DNMBP: variants seen among roughly 807,000 people sequenced by gnomAD.
DNMBP encodes dynamin-binding protein.
A neutral mutation model predicts 150.0 loss-of-function variants in DNMBP; 87 were observed. The observed-to-expected ratio is 0.58, with a 90% CI of 0.49 to 0.69. The LOEUF (loss-of-function observed/expected upper bound fraction) is 0.69. Ranked by LOEUF, DNMBP falls within the 30% of genes least tolerant of loss-of-function variation. The probability of loss-of-function intolerance (pLI) is 0.00; values close to 1 mark genes in which losing one functional copy is unlikely to be tolerated. For synonymous variants in DNMBP, 711 were observed against 750.4 expected (o/e 0.95, Z 0.86); for missense variants, 1,774 against 1,949.0 (o/e 0.91, Z 1.69).
chr10:99,975,377 T>C lies in DNMBP; in HGVS notation c.-10-3243A>G, dbSNP rs563036121. On this transcript the variant is annotated intron_variant, in intron 1 of 16. Coordinates refer to ENST00000324109, the MANE Select transcript of DNMBP (RefSeq NM_015221.4). ...TATGTCTCAAAAAAAAAAAAAATTA[T>C]ATCCAAGAAAACACTGATGTGGATA... Among the ~76,000 whole-genome samples, 114 of 151,698 alleles carry C rather than the reference T, an allele frequency of 7.5e-4. 1 individual carries two copies. Among genetic ancestry groups the C allele is most frequent in the African/African-American group, 2.6e-3 (108 of 41,322 alleles).
intron 12 of DNMBP, 96 bp from the exon 13 acceptor site, chr10:99,886,728 A>G: frequency 8.5e-7 from 1 of 1,180,164 alleles, no homozygotes; most frequent in Non-Finnish European, 1.2e-6. Context: ...TGTGTCCTGA[A>G]CCACCTACTT....
intron 4 of DNMBP, among the ~76,000 whole-genome samples, chr10:99,929,159 T>C (rs1477595569): frequency 7.0e-6 from 1 of 143,498 alleles, no homozygotes; most frequent in East Asian, 2.0e-4. Flanking sequence ...AATAAATAAA[T>C]AAAAATAAAG....
Position 99,885,877 on chromosome 10 carries a change from T to C in DNMBP, c.3619-11A>G. ...AGCCACTTTGAGTAACTGGGGTCCATGGGAAGAGCAGAGATAGAGAAAAGA... is the reference window on the plus strand; with the variant it reads ...AGCCACTTTGAGTAACTGGGGTCCACGGGAAGAGCAGAGATAGAGAAAAGA... On this transcript the variant is annotated splice_polypyrimidine_tract_variant and intron_variant, in intron 13 of 16. Coordinates refer to ENST00000324109, the MANE Select transcript of DNMBP (RefSeq NM_015221.4). 6.2e-7 allele frequency: 1 copy of C among 1,605,016 alleles called. No individual in the cohort carries two copies. Among genetic ancestry groups the C allele is most frequent in the Non-Finnish European group, 8.5e-7 (1 of 1,175,318 alleles).
chr10:99,941,532 G>A (rs558807249), intron 4 of DNMBP, among the ~76,000 whole-genome samples: 2 of 151,220 alleles, frequency 1.3e-5, no homozygotes, highest in Non-Finnish European at 1.5e-5. Flanking sequence ...GCAATGGCAC[G>A]ATCTCGGCTC....
chr10:99,945,026 G>A (rs372866977), intron 4 of DNMBP, among the ~76,000 whole-genome samples: 2 of 152,140 alleles, frequency 1.3e-5, no homozygotes, highest in Non-Finnish European at 2.9e-5. Flanking sequence ...GCTGAGTTCC[G>A]ATACCTTGGT....
At chr10:99,942,161 C>A (rs1195726380) in intron 4 of DNMBP, among the ~76,000 whole-genome samples, 1 of 152,160 alleles carries the variant, frequency 6.6e-6, no homozygotes, top group Non-Finnish European at 1.5e-5. Flanking sequence ...ATGCCTCCCA[C>A]CCCCAGAAAT....
intron 1 of DNMBP, 136 bp from the exon 2 acceptor site, chr10:99,972,270 C>T (rs1003680212): frequency 2.5e-6 from 2 of 809,620 alleles, no homozygotes; most frequent in South Asian, 4.1e-5. Flanking sequence ...TAAGTTAGTA[C>T]TTCCTATTTT....
rs1243694283 is a variant in DNMBP, at chr10:99,956,080, T to C, written c.1394A>G (p.Tyr465Cys). The change falls in exon 4 of 17, where the codon TAT (tyrosine) becomes TGT (cysteine). Residue 465 changes from tyrosine (Y) to cysteine (C), a missense_variant. Transcript: ENST00000324109. ...CTTCTGAAGAGTTTTTAGCTGGGAA[T>C]ACATTCTTTTGGGAGGTAGGCTGGC... ...DYASLPPKRM[Y>C]SQLKTLQKPV... 6.2e-7 allele frequency: 1 copy of C among 1,614,202 alleles called. No individual in the cohort carries two copies. The highest frequency in any genetic ancestry group is 1.1e-5 in the South Asian group (1 of 91,084).
intron 3 of DNMBP, among the ~76,000 whole-genome samples, chr10:99,959,804 A>G (rs1373166198): frequency 2.0e-5 from 3 of 151,056 alleles, no homozygotes; most frequent in Non-Finnish European, 3.0e-5. Context: ...GCAGTGAGCT[A>G]TGATGGCACC....
chr10:99,898,711 G>A (rs754653264), intron 8 of DNMBP, 32 bp downstream of exon 8: 8 of 1,611,494 alleles, frequency 5.0e-6, no homozygotes, highest in Non-Finnish European at 6.8e-6. Flanking sequence ...CAGAAGAAAT[G>A]AGCGCATACA....
At position 99,877,092 on chromosome 10, in the gene DNMBP, C is replaced by CGTATCATTAAAA; in HGVS notation, c.*58_*59insTTTTAATGATAC. On this transcript the variant is annotated 3_prime_UTR_variant, in exon 17 of 17. Transcript: ENST00000324109. The stretch of plus-strand genomic sequence containing the variant: ...AGCAGGCGCCCTCTCGGTGGGCCGC[C>CGTATCATTAAAA]AGAACCCTCGGCGGACTGAAAGCAA... 1 of 1,383,414 alleles carries CGTATCATTAAAA rather than the reference C, an allele frequency of 7.2e-7. No individual in the cohort carries two copies. The highest frequency in any genetic ancestry group is 9.5e-7 in the Non-Finnish European group (1 of 1,056,938). 85.7% of individuals were successfully genotyped at this position (1,383,414 alleles called of 1,614,324 possible).
chr10:99,913,972 CTG>C (rs1442025653), intron 4 of DNMBP: 1 of 1,457,370 alleles, frequency 6.9e-7, no homozygotes, highest in African/African-American at 1.4e-5. Flanking sequence ...CCAGAGCTGG[CTG>C]TGTGTGGAGG....
In DNMBP at chr10:99,975,698, G is replaced by A. The variant is rs78320912; in HGVS notation, c.-10-3564C>T. On this transcript the variant is annotated intron_variant, in intron 1 of 16. Coordinates refer to ENST00000324109, the MANE Select transcript of DNMBP (RefSeq NM_015221.4). Reference sequence around the variant, plus strand: ...TGCTGCAGAGGCAGCATATATGAATGTAAAGCACTAGGCTTCTGTAGTCAG... The same window carrying A: ...TGCTGCAGAGGCAGCATATATGAATATAAAGCACTAGGCTTCTGTAGTCAG... Among the ~76,000 whole-genome samples the A allele has an allele frequency of 4.6e-5, 7 of 152,302 alleles. No individual in the cohort carries two copies. In the East Asian group the frequency reaches 1.3e-3, roughly 29 times the overall value.
intron 11 of DNMBP, among the ~76,000 whole-genome samples, chr10:99,891,196 CGTCTCCCTCTCTTTCCACG>C (rs1412058845): frequency 1.3e-4 from 19 of 143,698 alleles, no homozygotes; most frequent in Non-Finnish European, 2.6e-4. Context: ...CTCTCCCCAC[CGTCTCCCTCTCTTTCCACG>C]GTCTCCCTCT....
chr10:99,898,846 ATGTG>A, intron 7 of DNMBP, 86 bp from the exon 8 acceptor site: 1 of 1,273,346 alleles, frequency 7.9e-7, no homozygotes, highest in African/African-American at 1.5e-5. Context: ...AACATAAATC[ATGTG>A]GGACAAAAAA....
At chr10:99,953,746 G>A (rs1368544065) in intron 4 of DNMBP, among the ~76,000 whole-genome samples, 4 of 149,836 alleles carry the variant, frequency 2.7e-5, no homozygotes, top group Non-Finnish European at 5.9e-5. Flanking sequence ...TTGAACCCGG[G>A]AGGCACAGGT....
At chr10:99,907,742 A>G (rs1391390945) in intron 6 of DNMBP, among the ~76,000 whole-genome samples, 1 of 152,126 alleles carries the variant, frequency 6.6e-6, no homozygotes, top group Non-Finnish European at 1.5e-5. Flanking sequence ...ATGACCCAGT[A>G]ATGGGCTGCA....
At chr10:99,903,098 G>A (rs1037869884) in intron 6 of DNMBP, among the ~76,000 whole-genome samples, 3 of 133,782 alleles carry the variant, frequency 2.2e-5, no homozygotes, top group African/African-American at 8.5e-5. Flanking sequence ...CCACACCTGG[G>A]CAATTTTTTT....
At chr10:99,930,150 T>A in intron 4 of DNMBP, 1 of 702,990 alleles carries the variant, frequency 1.4e-6, no homozygotes, top group Non-Finnish European at 2.6e-6. Context: ...AGGAACATGA[T>A]ATAAATTGCT....
Sources: allele counts gnomAD v4.1 joint callset (sites outside exome capture counted in the v4.1 genomes callset), GRCh38; gene constraint gnomAD v4.1.1; transcripts MANE v1.5; gene names NCBI Gene and HGNC (gene_info 2026-07-23, HGNC 2026-07-21).